OR4E2: variants seen among roughly 807,000 people sequenced by gnomAD.
OR4E2 encodes olfactory receptor 4E2.
A neutral mutation model predicts 11.0 loss-of-function variants in OR4E2; 9 were observed. The ratio of observed to expected loss-of-function variants is 0.82; its 90% CI spans 0.49 to 1.43. The LOEUF (loss-of-function observed/expected upper bound fraction) is 1.43. Ranked by LOEUF, OR4E2 falls within the 40% of genes most tolerant of loss-of-function variation. OR4E2 has a pLI of 0.00. For synonymous variants in OR4E2, 159 were observed against 147.3 expected (o/e 1.08, Z -0.57); for missense variants, 441 against 382.0 (o/e 1.15, Z -1.29).
chr14:21,662,682 T>C (rs778819749), intron 3 of OR4E2, among the ~76,000 whole-genome samples: 3 of 152,246 alleles, frequency 2.0e-5, no homozygotes, highest in Admixed American at 6.5e-5. Context: ...TTTTTCACGT[T>C]GGTAGGCCTT....
chr14:21,655,167 T>C (rs1030769837), intron 1 of OR4E2, among the ~76,000 whole-genome samples: 1 of 152,168 alleles, frequency 6.6e-6, no homozygotes, highest in Non-Finnish European at 1.5e-5. Flanking sequence ...TTACCTGCAT[T>C]CCATAATGAA....
chr14:21,662,339 C>T (rs1322664265), intron 3 of OR4E2, among the ~76,000 whole-genome samples: 2 of 151,990 alleles, frequency 1.3e-5, no homozygotes, highest in Non-Finnish European at 2.9e-5. Flanking sequence ...CTCTGTTGCC[C>T]AGGCTTGAGT....
At chr14:21,660,514 GA>G (rs1385272359) in intron 2 of OR4E2, 138 bp from the exon 3 acceptor site, 1 of 152,314 alleles carries the variant, frequency 6.6e-6, no homozygotes, top group Non-Finnish European at 1.5e-5. Flanking sequence ...GGTCAGAGAG[GA>G]AATGGGAAGT....
intron 1 of OR4E2, among the ~76,000 whole-genome samples, chr14:21,654,413 C>T (rs900773609): frequency 8.1e-5 from 10 of 124,168 alleles, no homozygotes; most frequent in African/African-American, 2.8e-4. Flanking sequence ...CACACACACA[C>T]ATGCACACAC....
intron 3 of OR4E2, among the ~76,000 whole-genome samples, chr14:21,661,235 CCTT>C (rs1179957838): frequency 1.3e-5 from 2 of 151,956 alleles, no homozygotes; most frequent in Non-Finnish European, 2.9e-5. Context: ...TATCTTGTGT[CCTT>C]CTAGGAATAA....
chr14:21,665,769 A>G lies in OR4E2; in HGVS notation c.687A>G (p.Ser229=). 1 of 1,613,978 alleles carries G rather than the reference A, an allele frequency of 6.2e-7. No homozygotes were observed. The highest frequency in any genetic ancestry group is 8.5e-7 in the Non-Finnish European group (1 of 1,179,944). ...TCCTGGTTTCTCTTCGAAAACACTC[A>G]GCTGAAGGGCGCCGGAAAGCCCTGT... ...MVILVSLRKH[S]AEGRRKALST... is the part of the protein sequence containing the mutation. Residue 229 remains serine, a synonymous_variant, in exon 4 of 4, where the codon TCA becomes TCG. Coordinates refer to ENST00000641524, the MANE Select transcript of OR4E2 (RefSeq NM_001001912.3).
At position 21,665,932 on chromosome 14, in the gene OR4E2, C is replaced by A; in HGVS notation, c.850C>A (p.Pro284Thr). The A allele has an allele frequency of 1.2e-6, 2 of 1,613,586 alleles. No homozygotes were observed. The highest frequency in any genetic ancestry group is 1.1e-5 in the South Asian group (1 of 90,928). Reference sequence around the variant, plus strand: ...CACAGTGGTCACCCCTTTGCTGAATCCCTTCATTTACACCTTGAGGAATGA... The same window carrying A: ...CACAGTGGTCACCCCTTTGCTGAATACCTTCATTTACACCTTGAGGAATGA... ...FYTVVTPLLN[P>T]FIYTLRNEEV... Residue 284 changes from proline (P) to threonine (T), a missense_variant, in exon 4 of 4, where the codon CCC becomes ACC. Transcript: ENST00000641524.
intron 2 of OR4E2, among the ~76,000 whole-genome samples, chr14:21,659,972 A>T (rs936212095): frequency 6.6e-5 from 10 of 152,174 alleles, no homozygotes; most frequent in Non-Finnish European, 4.4e-5. Context: ...TTAGTTTTAT[A>T]TTATGTTCAT....
chr14:21,654,573 C>G (rs1156980898), intron 1 of OR4E2, among the ~76,000 whole-genome samples: 1 of 151,954 alleles, frequency 6.6e-6, no homozygotes, highest in Non-Finnish European at 1.5e-5. Context: ...TGTAGTCATC[C>G]CTGCAGAACT....
chr14:21,661,734 A>G (rs1337785958), intron 3 of OR4E2, among the ~76,000 whole-genome samples: 1 of 152,220 alleles, frequency 6.6e-6, no homozygotes, highest in African/African-American at 2.4e-5. Flanking sequence ...ATAGCTCATA[A>G]TATTCCATAC....
Position 21,660,179 on chromosome 14 carries a change from C to A in OR4E2, c.-102-474C>A, listed in dbSNP as rs573852555. Reference sequence around the variant, plus strand: ...CACCTACATCATCAGGCATTAGATTCTCACAAGGAGTGCACAATCTAGATC... The same window carrying A: ...CACCTACATCATCAGGCATTAGATTATCACAAGGAGTGCACAATCTAGATC... On this transcript the variant is annotated intron_variant, in intron 2 of 3. Coordinates refer to ENST00000641524, the MANE Select transcript of OR4E2 (RefSeq NM_001001912.3). Among the ~76,000 whole-genome samples the A allele has an allele frequency of 2.7e-3, 407 of 152,242 alleles. 1 individual carries two copies. The highest frequency in any genetic ancestry group is 0.014 in the Middle Eastern group (4 of 294).
Position 21,665,596 on chromosome 14 carries a change from A to C in OR4E2, c.514A>C (p.Asn172His). Reference sequence around the variant, plus strand: ...TATTCGTCTACCTTACTGTGGCCCCAACATTATTGACAGCTACTTCTGTGA... The same window carrying C: ...TATTCGTCTACCTTACTGTGGCCCCCACATTATTGACAGCTACTTCTGTGA... ...LTIRLPYCGPNIIDSYFCDVP... is the reference protein window; with the variant it reads ...LTIRLPYCGPHIIDSYFCDVP... The change falls in exon 4 of 4, where the codon AAC becomes CAC. Residue 172 changes from asparagine (N) to histidine (H), a missense_variant. Physicochemically the swap from Asn to His is moderately conservative, Grantham distance 68. Transcript: ENST00000641524. 1 of 1,614,114 alleles carries C rather than the reference A, an allele frequency of 6.2e-7. No individual in the cohort carries two copies. The highest frequency in any genetic ancestry group is 8.5e-7 in the Non-Finnish European group (1 of 1,179,994).
intron 1 of OR4E2, among the ~76,000 whole-genome samples, 152 bp from the exon 2 acceptor site, chr14:21,656,350 A>T (rs1157265706): frequency 6.6e-6 from 1 of 150,602 alleles, no homozygotes; most frequent in Non-Finnish European, 1.5e-5. Context: ...ACAGAGTGAG[A>T]CTCTCTCTCT....
At chr14:21,663,421 A>G (rs895146224) in intron 3 of OR4E2, among the ~76,000 whole-genome samples, 6 of 152,054 alleles carry the variant, frequency 3.9e-5, no homozygotes, top group African/African-American at 1.4e-4. Flanking sequence ...CGGAGCTTGC[A>G]GTGAGCCGAG....
At chr14:21,658,641 G>A (rs887276555) in intron 2 of OR4E2, among the ~76,000 whole-genome samples, 24 of 152,088 alleles carry the variant, frequency 1.6e-4, no homozygotes, top group African/African-American at 5.8e-4. Flanking sequence ...GGGAGTAGAG[G>A]TCACTGATCT....
chr14:21,665,018 T>C, intron 3 of OR4E2, 57 bp from the exon 4 acceptor site: 1 of 862,814 alleles, frequency 1.2e-6, no homozygotes, highest in Non-Finnish European at 1.8e-6. Flanking sequence ...GTCATTTCAA[T>C]TAGTTCTATT....
intron 2 of OR4E2, among the ~76,000 whole-genome samples, chr14:21,660,118 G>T (rs74765418): frequency 6.6e-6 from 1 of 152,020 alleles, no homozygotes; most frequent in African/African-American, 2.4e-5. Flanking sequence ...CCATGGACTG[G>T]GGGTGGGGGC....
At chr14:21,662,625 G>C (rs1880394853) in intron 3 of OR4E2, among the ~76,000 whole-genome samples, 1 of 152,038 alleles carries the variant, frequency 6.6e-6, no homozygotes, top group Admixed American at 6.6e-5. Flanking sequence ...AAATTATTGA[G>C]AAAGTTTAAC....
chr14:21,655,466 A>T (rs751777616), intron 1 of OR4E2, among the ~76,000 whole-genome samples: 5 of 152,096 alleles, frequency 3.3e-5, no homozygotes, highest in African/African-American at 7.2e-5. Context: ...AGAACTCGAG[A>T]CCAACCTGGG....
Sources: gnomAD v4.1 joint callset for allele counts (sites outside exome capture counted in the v4.1 genomes callset) on GRCh38, gnomAD v4.1.1 for gene constraint, MANE v1.5 for transcripts, NCBI Gene and HGNC (gene_info 2026-07-23, HGNC 2026-07-21) for gene names.